Variants in GPC5 observed in about 807,000 individuals in gnomAD.
GPC5 encodes glypican-5.
Under a neutral mutation model 53.9 loss-of-function variants are expected in GPC5, and 47 were observed. The ratio of observed to expected loss-of-function variants is 0.87; its 90% CI spans 0.69 to 1.11. The LOEUF (loss-of-function observed/expected upper bound fraction) is 1.11, where lower values mean the gene tolerates loss of function less well. Ranked by LOEUF, GPC5 falls within the 50% of genes most tolerant of loss-of-function variation. The pLI is 0.00. For missense variants in GPC5, 748 were observed against 713.1 expected (o/e 1.05, Z -0.56); for synonymous variants, 286 against 263.3 (o/e 1.09, Z -0.84).
chr13:92,074,031 T>C, intron 6 of GPC5, among the ~76,000 whole-genome samples: 1 of 152,264 alleles, frequency 6.6e-6, no homozygotes, highest in Admixed American at 6.5e-5. Flanking sequence ...TTTTTTTCCT[T>C]TATTTATCGA....
chr13:92,463,657 T>G (rs544372148), intron 7 of GPC5, among the ~76,000 whole-genome samples: 2 of 152,328 alleles, frequency 1.3e-5, no homozygotes, highest in African/African-American at 4.8e-5. Context: ...ACTGTGTAAT[T>G]CTTCCTTGTA....
At chr13:91,487,777 C>G (rs1040601115) in intron 2 of GPC5, among the ~76,000 whole-genome samples, 10 of 152,140 alleles carry the variant, frequency 6.6e-5, no homozygotes, top group Non-Finnish European at 2.9e-5. Context: ...TAAAGCTTGT[C>G]TTTAGGATTC....
At chr13:91,881,854 T>C (rs2039267184) in intron 5 of GPC5, among the ~76,000 whole-genome samples, 1 of 152,192 alleles carries the variant, frequency 6.6e-6, no homozygotes, top group Admixed American at 6.5e-5. Flanking sequence ...CTAAGGCTAA[T>C]AATCTGTCAG....
intron 6 of GPC5, among the ~76,000 whole-genome samples, chr13:92,093,395 C>T (rs137859480): frequency 6.6e-6 from 1 of 151,974 alleles, no homozygotes; most frequent in South Asian, 2.1e-4. Flanking sequence ...TTTTATGTTA[C>T]ATATATATGT....
chr13:92,268,273 T>C (rs1315879492), intron 7 of GPC5, among the ~76,000 whole-genome samples: 1 of 152,018 alleles, frequency 6.6e-6, no homozygotes, highest in Non-Finnish European at 1.5e-5. Flanking sequence ...CTCCCAAATA[T>C]TACTATTTTC....
intron 6 of GPC5, among the ~76,000 whole-genome samples, chr13:91,921,778 T>TAA (rs765456378): frequency 2.7e-5 from 3 of 109,866 alleles, no homozygotes; most frequent in African/African-American, 1.0e-4. Flanking sequence ...AGACTGCCTT[T>TAA]AAAAAAAAAA....
intron 7 of GPC5, among the ~76,000 whole-genome samples, chr13:92,858,462 T>C (rs968411411): frequency 6.6e-6 from 1 of 152,094 alleles, no homozygotes; most frequent in Non-Finnish European, 1.5e-5. Flanking sequence ...AACAAACTAA[T>C]ACAGACACCA....
At chr13:91,932,745 T>C (rs2039833563) in intron 6 of GPC5, among the ~76,000 whole-genome samples, 1 of 151,974 alleles carries the variant, frequency 6.6e-6, no homozygotes. Flanking sequence ...AGATTAGCTC[T>C]CAAATGAGCT....
At chr13:92,449,312 C>T (rs1159024042) in intron 7 of GPC5, among the ~76,000 whole-genome samples, 2 of 152,090 alleles carry the variant, frequency 1.3e-5, no homozygotes, top group Admixed American at 6.6e-5. Flanking sequence ...GGCCCTTGAC[C>T]TCTGCACTTT....
intron 6 of GPC5, among the ~76,000 whole-genome samples, chr13:91,972,654 C>A (rs1341496279): frequency 3.3e-5 from 5 of 152,108 alleles, no homozygotes; most frequent in Non-Finnish European, 5.9e-5. Context: ...TCTTTTAGGG[C>A]AGGCCTGGTG....
chr13:92,011,866 A>G (rs2040664896), intron 6 of GPC5, among the ~76,000 whole-genome samples: 1 of 152,230 alleles, frequency 6.6e-6, no homozygotes, highest in Non-Finnish European at 1.5e-5. Context: ...CACTACCACA[A>G]TTAATTGCTG....
intron 3 of GPC5, among the ~76,000 whole-genome samples, chr13:91,709,528 A>G (rs181886685): frequency 2.0e-3 from 299 of 152,218 alleles, no homozygotes; most frequent in African/African-American, 6.2e-3. Context: ...ACCTTTATCT[A>G]GCTAATGTTA....
chr13:92,313,284 T>G (rs1250324637), intron 7 of GPC5, among the ~76,000 whole-genome samples: 1 of 152,140 alleles, frequency 6.6e-6, no homozygotes, highest in Non-Finnish European at 1.5e-5. Context: ...AGTTCTCCAC[T>G]TTCCAAGAAA....
chr13:91,834,393 T>C (rs1238766427), intron 5 of GPC5, among the ~76,000 whole-genome samples: 3 of 152,100 alleles, frequency 2.0e-5, no homozygotes, highest in Admixed American at 6.6e-5. Flanking sequence ...TGGAAAAAAC[T>C]ACTTTAAATT....
chr13:91,968,200 A>G (rs2040207269), intron 6 of GPC5, among the ~76,000 whole-genome samples: 1 of 152,036 alleles, frequency 6.6e-6, no homozygotes, highest in South Asian at 2.1e-4. Flanking sequence ...ATCTTTTCTC[A>G]TTCCAAAAGC....
intron 7 of GPC5, among the ~76,000 whole-genome samples, chr13:92,302,433 C>T (rs1015288640): frequency 1.3e-5 from 2 of 152,004 alleles, no homozygotes; most frequent in Admixed American, 1.3e-4. Context: ...CATTTTGTTA[C>T]AGTAGTTAGC....
chr13:91,796,757 C>CT (rs559615287), intron 5 of GPC5, among the ~76,000 whole-genome samples: 4 of 151,832 alleles, frequency 2.6e-5, no homozygotes, highest in Non-Finnish European at 5.9e-5. Context: ...TAAACCAGAG[C>CT]TTTTTTTTGT....
rs139546385 is a variant in GPC5, at chr13:92,444,242, T to C, written c.1561+299253T>C. Among the ~76,000 whole-genome samples, 559 of 152,278 alleles carry C rather than the reference T, an allele frequency of 3.7e-3. 4 individuals are homozygous for C. The highest frequency in any genetic ancestry group is 0.013 in the African/African-American group (526 of 41,558). On this transcript the variant is annotated intron_variant, in intron 7 of 7. Coordinates refer to ENST00000377067, the MANE Select transcript of GPC5 (RefSeq NM_004466.6). ...GTCTGGAAGAGGGATATTAGTTCAA[T>C]AGATGTATATGTTTTTGAGAGGGCA...
intron 7 of GPC5, among the ~76,000 whole-genome samples, chr13:92,679,864 TCTC>T (rs1566360468): frequency 6.6e-6 from 1 of 152,034 alleles, no homozygotes; most frequent in Non-Finnish European, 1.5e-5. Context: ...TCCTGCGCTC[TCTC>T]TTTTCCTCTC....
Sources: gnomAD v4.1 joint callset for allele counts (sites outside exome capture counted in the v4.1 genomes callset) on GRCh38, gnomAD v4.1.1 for gene constraint, MANE v1.5 for transcripts, NCBI Gene and HGNC (gene_info 2026-07-23, HGNC 2026-07-21) for gene names.